LRIG1: variants seen among roughly 807,000 people sequenced by gnomAD.
The protein encoded by LRIG1 is leucine rich repeats and immunoglobulin like domains 1, also known as leucine-rich repeats and immunoglobulin-like domains protein 1.
In LRIG1, 48 loss-of-function variants were observed where a neutral mutation model predicts 99.2. The observed-to-expected ratio is 0.48, with a 90% confidence interval of 0.38 to 0.62. The LOEUF (loss-of-function observed/expected upper bound fraction) is 0.62. LRIG1 is among the 20% of genes least tolerant of loss of function. The probability of loss-of-function intolerance (pLI) is 0.00; values close to 1 mark genes in which losing one functional copy is unlikely to be tolerated. For synonymous variants in LRIG1, 772 were observed against 596.1 expected, an observed-to-expected ratio of 1.29 and a Z score of -4.30; for missense variants, 1,646 against 1,434.4, an observed-to-expected ratio of 1.15 and a Z score of -2.38.
In LRIG1 at chr3:66,381,029, C is replaced by A. The variant is rs1701025242; in HGVS notation, c.2771-168G>T. 6 of 663,258 alleles carry A rather than the reference C, an allele frequency of 9.0e-6. No individual in the cohort carries two copies. In the East Asian group the frequency reaches 1.1e-4, roughly 12 times the overall value. The allele number at this position is 663,258 out of a possible 1,614,324, so 41.1% of individuals were successfully genotyped here. On this transcript the variant is annotated intron_variant, in intron 17 of 18. Coordinates refer to ENST00000273261, the MANE Select transcript of LRIG1 (RefSeq NM_015541.3). ...CTATGTCCCCAGAGAAAGGACTGGGCAAACACCAAGTCACTCATGAACTGT... is the reference window on the plus strand; with the variant it reads ...CTATGTCCCCAGAGAAAGGACTGGGAAAACACCAAGTCACTCATGAACTGT...
chr3:66,452,001 T>A (rs1332089192), intron 2 of LRIG1, among the ~76,000 whole-genome samples: 1 of 152,148 alleles, frequency 6.6e-6, no homozygotes, highest in East Asian at 1.9e-4. Context: ...TGGGCCGAAA[T>A]TTGCCCCTGT....
At position 66,486,466 on chromosome 3, in the gene LRIG1, A is replaced by C. The variant is rs138669603; in HGVS notation, c.218+13724T>G. ...TGCAGGACTCTGAGAAGACAAGGAC[A>C]CAACATTATCTTCCCCTGAAGACCC... On this transcript the variant is annotated intron_variant, in intron 1 of 18. Transcript: ENST00000273261. Among the ~76,000 whole-genome samples the C allele has an allele frequency of 1.4e-3, 213 of 152,250 alleles. 3 individuals are homozygous for C. Among genetic ancestry groups the C allele is most frequent in the African/African-American group, 5.1e-3 (210 of 41,536 alleles).
At chr3:66,422,904 C>A (rs1702865266) in intron 3 of LRIG1, among the ~76,000 whole-genome samples, 1 of 152,228 alleles carries the variant, frequency 6.6e-6, no homozygotes, top group African/African-American at 2.4e-5. Flanking sequence ...TCACATCTTA[C>A]ATGGATGGCA....
intron 3 of LRIG1, among the ~76,000 whole-genome samples, chr3:66,429,251 C>T (rs1703077313): frequency 6.6e-6 from 1 of 152,184 alleles, no homozygotes; most frequent in African/African-American, 2.4e-5. Context: ...AACTTACACC[C>T]ATTGAACTGA....
intron 1 of LRIG1, among the ~76,000 whole-genome samples, chr3:66,489,294 C>G (rs931638066): frequency 2.0e-5 from 3 of 152,178 alleles, no homozygotes; most frequent in Non-Finnish European, 4.4e-5. Context: ...GAGGCCAAGG[C>G]AGGAGGATCA....
At chr3:66,466,741 G>A (rs1480076687) in intron 1 of LRIG1, among the ~76,000 whole-genome samples, 2 of 152,182 alleles carry the variant, frequency 1.3e-5, no homozygotes, top group East Asian at 1.9e-4. Flanking sequence ...CGATCGCCCT[G>A]TACCAGGCCT....
intron 7 of LRIG1, among the ~76,000 whole-genome samples, chr3:66,408,181 C>T (rs1034044451): frequency 1.3e-5 from 2 of 152,124 alleles, no homozygotes; most frequent in Admixed American, 6.5e-5. Context: ...GGTCATCTAT[C>T]GTTGAAAAAT....
chr3:66,405,099 G>C, intron 9 of LRIG1, 99 bp downstream of exon 9: 2 of 1,011,626 alleles, frequency 2.0e-6, no homozygotes, highest in Non-Finnish European at 3.0e-6. Context: ...CTTCCGCCTG[G>C]GCCCAGAGCA....
intron 1 of LRIG1, among the ~76,000 whole-genome samples, chr3:66,485,073 G>A (rs1022204555): frequency 4.0e-5 from 6 of 150,680 alleles, no homozygotes; most frequent in African/African-American, 1.5e-4. Flanking sequence ...TGGGAAAATT[G>A]CTTGAACCTG....
chr3:66,493,807 G>GA (rs1395629247), intron 1 of LRIG1, among the ~76,000 whole-genome samples: 1 of 89,766 alleles, frequency 1.1e-5, no homozygotes, highest in East Asian at 3.6e-4. Flanking sequence ...AGAAAGAAAA[G>GA]AAAGAAAGAA....
intron 1 of LRIG1, 75 bp downstream of exon 1, chr3:66,500,115 G>C: frequency 8.2e-7 from 1 of 1,225,776 alleles, no homozygotes; most frequent in Non-Finnish European, 1.1e-6. Flanking sequence ...CCCTCCCTGA[G>C]TACGAACCCC....
chr3:66,453,751 A>T (rs764903718), intron 2 of LRIG1, among the ~76,000 whole-genome samples: 7 of 152,222 alleles, frequency 4.6e-5, no homozygotes, highest in Middle Eastern at 3.2e-3. Flanking sequence ...CCAGCTGGAA[A>T]GCTCATAATC....
intron 10 of LRIG1, among the ~76,000 whole-genome samples, chr3:66,398,726 G>A (rs900302771): frequency 2.0e-5 from 3 of 152,190 alleles, no homozygotes; most frequent in African/African-American, 7.2e-5. Flanking sequence ...AGGGGGGAGG[G>A]TATTTATCCA....
intron 6 of LRIG1, among the ~76,000 whole-genome samples, 178 bp downstream of exon 6, chr3:66,412,693 T>C (rs978361362): frequency 1.3e-5 from 2 of 151,928 alleles, no homozygotes. Context: ...GGCGCGCACG[T>C]GCACACGCGC....
At chr3:66,381,269 C>G (rs919731046) in intron 17 of LRIG1, among the ~76,000 whole-genome samples, 2 of 152,146 alleles carry the variant, frequency 1.3e-5, no homozygotes, top group African/African-American at 4.8e-5. Flanking sequence ...CTAGAAAATT[C>G]ATGCTCAGGC....
intron 3 of LRIG1, among the ~76,000 whole-genome samples, chr3:66,425,680 A>C (rs2106725741): frequency 6.6e-6 from 1 of 152,320 alleles, no homozygotes; most frequent in East Asian, 1.9e-4. Flanking sequence ...AGACAAAACC[A>C]GTGATTCTGC....
chr3:66,488,509 C>T (rs1353327906), intron 1 of LRIG1, among the ~76,000 whole-genome samples: 1 of 151,172 alleles, frequency 6.6e-6, no homozygotes, highest in Non-Finnish European at 1.5e-5. Context: ...TGGTGGCAGG[C>T]GCCTGTAATC....
chr3:66,440,587 C>T (rs552841866), intron 3 of LRIG1, among the ~76,000 whole-genome samples: 1 of 152,254 alleles, frequency 6.6e-6, no homozygotes, highest in East Asian at 1.9e-4. Flanking sequence ...TCTCCAATAC[C>T]AGGCGGCCTC....
chr3:66,466,575 T>C (rs1700478296), intron 1 of LRIG1, among the ~76,000 whole-genome samples: 1 of 152,210 alleles, frequency 6.6e-6, no homozygotes, highest in Non-Finnish European at 1.5e-5. Context: ...AAAATACACT[T>C]AGCCCAAGAG....
Sources: gnomAD v4.1 joint callset for allele counts (sites outside exome capture counted in the v4.1 genomes callset) on GRCh38, gnomAD v4.1.1 for gene constraint, MANE v1.5 for transcripts, NCBI Gene and HGNC (gene_info 2026-07-23, HGNC 2026-07-21) for gene names.